The following RSAD2 variants were observed in gnomAD, a reference collection of about 807,000 sequenced individuals.
RSAD2 encodes the protein radical S-adenosyl methionine domain containing 2, also known as S-adenosylmethionine-dependent nucleotide dehydratase RSAD2.
RSAD2 carries 38 observed loss-of-function variants against 37.7 expected under a neutral mutation model. The ratio of observed to expected loss-of-function variants is 1.01; its 90% CI spans 0.78 to 1.32. The LOEUF is 1.32. RSAD2 is among the 40% of genes most tolerant of loss of function. RSAD2 has a pLI of 0.00. For synonymous variants in RSAD2, 163 were observed against 157.4 expected (o/e 1.04, Z -0.27); for missense variants, 428 against 437.5 (o/e 0.98, Z 0.19).
chr2:6,877,820 C>A lies in RSAD2; in HGVS notation c.20C>A (p.Ala7Asp), dbSNP rs35430708. ...GCCACAATGTGGGTGCTTACACCTG[C>A]TGCTTTTGCTGGGAAGCTCTTGAGT... Reference protein sequence around the residue: MWVLTPAAFAGKLLSVF... With the variant: MWVLTPDAFAGKLLSVF... Residue 7 changes from alanine (A) to aspartate (D), a missense_variant, in exon 1 of 6, where the codon GCT becomes GAT. By Grantham distance (126) the Ala-to-Asp change is moderately radical (BLOSUM62 -2). Coordinates refer to ENST00000382040, the MANE Select transcript of RSAD2 (RefSeq NM_080657.5). 6 of 1,613,816 alleles carry A rather than the reference C, an allele frequency of 3.7e-6. No individual in the cohort carries two copies. The African/African-American group carries it at 8.0e-5, about 22-fold the overall frequency.
In RSAD2 at chr2:6,895,979, GA is replaced by G; in HGVS notation, c.*41del. 1 of 1,597,028 alleles carries G rather than the reference GA, an allele frequency of 6.3e-7. No homozygotes were observed. The highest frequency in any genetic ancestry group is 8.6e-7 in the Non-Finnish European group (1 of 1,168,178). On this transcript the variant is annotated 3_prime_UTR_variant, in exon 6 of 6. Transcript: ENST00000382040. Reference sequence around the variant, plus strand: ...GAACGAGACTTCAACACACCAGTGGGAAAACTCCTAGAGTAACTGCCATTGT... The same window carrying G: ...GAACGAGACTTCAACACACCAGTGGGAAACTCCTAGAGTAACTGCCATTGT...
rs1208684937 is a variant in RSAD2 at position 6,878,974 on chromosome 2, G to A, written c.346+828G>A. 6 of 554,978 alleles carry A rather than the reference G, an allele frequency of 1.1e-5. No homozygotes were observed. The East Asian group carries it at 4.1e-4, about 37-fold the overall frequency. 34.4% of individuals were successfully genotyped at this position (554,978 alleles called of 1,614,324 possible). A position where few individuals can be genotyped will look rare whatever the true frequency, so the allele number is the denominator to read the frequency against. On this transcript the variant is annotated intron_variant, in intron 1 of 5. Coordinates refer to ENST00000382040, the MANE Select transcript of RSAD2 (RefSeq NM_080657.5). ...CAAAGCAATCACAGCCAGGTAAATA[G>A]CCTGCAGATTCAGAGAGAAAGCATC...
At position 6,877,976 on chromosome 2, in the gene RSAD2, C is replaced by T. The variant is rs267599426; in HGVS notation, c.176C>T (p.Thr59Ile). The T allele has an allele frequency of 1.2e-6, 2 of 1,614,022 alleles. No individual in the cohort carries two copies. The highest frequency in any genetic ancestry group is 1.7e-5 in the Admixed American group (1 of 59,998). ...CTGGTCCTGAGAGGGCCAGATGAGACCAAAGAGGAGGAAGAGGACCCTCCT... is the reference window on the plus strand; with the variant it reads ...CTGGTCCTGAGAGGGCCAGATGAGATCAAAGAGGAGGAAGAGGACCCTCCT... ...QQLVLRGPDETKEEEEDPPLP... is the reference protein window; with the variant it reads ...QQLVLRGPDEIKEEEEDPPLP... Residue 59 changes from threonine to isoleucine, a missense_variant, in exon 1 of 6, where the codon ACC becomes ATC. Thr to Ile is a moderately conservative substitution (Grantham distance 89, BLOSUM62 -1). Coordinates refer to ENST00000382040, the MANE Select transcript of RSAD2 (RefSeq NM_080657.5).
upstream of RSAD2, chr2:6,877,149 T>A (rs978029141): frequency 1.3e-5 from 2 of 152,240 alleles, no homozygotes; most frequent in African/African-American, 4.8e-5. Context: ...GTTAAAAACA[T>A]CTATAAAAAG....
Position 6,897,651 on chromosome 2 carries a change from G to T in RSAD2, c.*1709G>T, listed in dbSNP as rs189216796. On this transcript the variant is annotated 3_prime_UTR_variant, in exon 6 of 6. Coordinates refer to ENST00000382040, the MANE Select transcript of RSAD2 (RefSeq NM_080657.5). ...GTTTTGATTGTGTCTAAGCTATGATGACCTTCATATAATCAGCATAAACAT... is the reference window on the plus strand; with the variant it reads ...GTTTTGATTGTGTCTAAGCTATGATTACCTTCATATAATCAGCATAAACAT... 73 of 152,208 alleles carry T rather than the reference G, an allele frequency of 4.8e-4. No homozygotes were observed. The highest frequency in any genetic ancestry group is 1.7e-3 in the African/African-American group (71 of 41,528). The allele number at this position is 152,208 out of a possible 1,614,324, so 9.4% of individuals were successfully genotyped here.
upstream of RSAD2, chr2:6,877,674 G>T: frequency 1.5e-6 from 1 of 687,524 alleles, no homozygotes; most frequent in Non-Finnish European, 2.4e-6. Flanking sequence ...TAACTCAGCT[G>T]AGTGTTAGTC....
intron 1 of RSAD2, chr2:6,866,192 A>C: frequency 5.4e-6 from 1 of 184,558 alleles, no homozygotes; most frequent in South Asian, 8.5e-5. Context: ...CGGGCTCTTC[A>C]ACGCCCACTT....
chr2:6,885,107 G>A (rs190159354), intron 2 of RSAD2, among the ~76,000 whole-genome samples: 2 of 152,120 alleles, frequency 1.3e-5, no homozygotes, highest in Non-Finnish European at 2.9e-5. Context: ...CACGTCTAGG[G>A]TTTATTAGAA....
At chr2:6,890,086 A>G (rs1446995070) in intron 3 of RSAD2, 90 bp from the exon 4 acceptor site, 3 of 1,267,690 alleles carry the variant, frequency 2.4e-6, no homozygotes, top group Non-Finnish European at 3.4e-6. Context: ...CTTTGCTCAG[A>G]AGAGATGAAG....
At chr2:6,873,645 C>T (rs562955011), upstream of RSAD2, among the ~76,000 whole-genome samples, 7 of 152,270 alleles carry the variant, frequency 4.6e-5, no homozygotes, top group South Asian at 1.5e-3. Flanking sequence ...TTTTCGAAGT[C>T]TTCTGATTAT....
chr2:6,881,878 C>A (rs1324796947), intron 1 of RSAD2, among the ~76,000 whole-genome samples: 1 of 151,348 alleles, frequency 6.6e-6, no homozygotes, highest in Non-Finnish European at 1.5e-5. Flanking sequence ...ACCCCATCCT[C>A]CTAAAATGCA....
intron 3 of RSAD2, among the ~76,000 whole-genome samples, chr2:6,889,828 T>C (rs1367057391): frequency 6.6e-6 from 1 of 152,216 alleles, no homozygotes; most frequent in Admixed American, 6.5e-5. Context: ...TAAAATGTGT[T>C]TTTCTGGGTT....
intron 4 of RSAD2, among the ~76,000 whole-genome samples, chr2:6,891,501 C>G (rs530805183): frequency 6.6e-6 from 1 of 152,310 alleles, no homozygotes; most frequent in African/African-American, 2.4e-5. Context: ...GGCGCGGTGG[C>G]TCACGCCTGT....
At chr2:6,876,703 T>A (rs563792496), upstream of RSAD2, 4 of 152,358 alleles carry the variant, frequency 2.6e-5, no homozygotes, top group South Asian at 8.3e-4. Flanking sequence ...AAATCATTTC[T>A]GTTTCTATTC....
At chr2:6,881,889 G>A (rs1386922910) in intron 1 of RSAD2, among the ~76,000 whole-genome samples, 1 of 151,536 alleles carries the variant, frequency 6.6e-6, no homozygotes, top group Non-Finnish European at 1.5e-5. Flanking sequence ...CTAAAATGCA[G>A]GCAGGTGGTT....
At position 6,883,961 on chromosome 2, in the gene RSAD2, C is replaced by T. The variant is rs548643690; in HGVS notation, c.508+429C>T. ...CCAAGGTGGAGGGCTCCAAGGGATT[C>T]CACCATGTAGCCAGGATTAAGAACT... On this transcript the variant is annotated intron_variant, in intron 2 of 5. Transcript: ENST00000382040. 1.6e-4 allele frequency: 25 copies of T among 161,274 alleles called. 1 individual carries two copies. The South Asian group carries it at 3.9e-3, about 25-fold the overall frequency. The allele number at this position is 161,274 out of a possible 1,614,324, so 10.0% of individuals were successfully genotyped here.
intron 1 of RSAD2, among the ~76,000 whole-genome samples, chr2:6,869,386 AG>A (rs1326684309): frequency 9.3e-4 from 2 of 2,158 alleles, no homozygotes; most frequent in Non-Finnish European, 0.019. Flanking sequence ...ACTCATGAAA[AG>A]AAAAAAAAAA....
intron 1 of RSAD2, among the ~76,000 whole-genome samples, chr2:6,882,273 G>A (rs1047307861): frequency 1.6e-4 from 25 of 151,888 alleles, no homozygotes; most frequent in South Asian, 4.1e-4. Flanking sequence ...AGAAGAAAAC[G>A]TCCAAAAAAA....
chr2:6,869,733 C>T (rs985888573), intron 1 of RSAD2, among the ~76,000 whole-genome samples: 2 of 152,190 alleles, frequency 1.3e-5, no homozygotes, highest in Non-Finnish European at 2.9e-5. Flanking sequence ...CTGGAAATTA[C>T]AACTACAATG....
Sources: gnomAD v4.1 joint callset for allele counts (sites outside exome capture counted in the v4.1 genomes callset) on GRCh38, gnomAD v4.1.1 for gene constraint, MANE v1.5 for transcripts, NCBI Gene and HGNC (gene_info 2026-07-23, HGNC 2026-07-21) for gene names.